The following ZNF41 variants were observed in gnomAD, a reference collection of about 807,000 sequenced individuals.
ZNF41 encodes zinc finger protein 41.
A neutral mutation model predicts 9.3 loss-of-function variants in ZNF41; 6 were observed. The observed-to-expected ratio is 0.65, with a 90% confidence interval of 0.35 to 1.28. ZNF41 has a LOEUF of 1.28. Among genes scored for constraint, ZNF41 ranks in the 50% most tolerant of loss-of-function variants. The probability of loss-of-function intolerance (pLI) is 0.03; values close to 1 mark genes in which losing one functional copy is unlikely to be tolerated. For missense variants in ZNF41, 523 were observed against 585.8 expected, an observed-to-expected ratio of 0.89 and a Z score of 1.11; for synonymous variants, 192 against 207.1, an observed-to-expected ratio of 0.93 and a Z score of 0.63.
chrX:47,458,710 G>A (rs1011181295), intron 2 of ZNF41, among the ~76,000 whole-genome samples: 5 of 109,871 alleles, frequency 4.6e-5, no homozygotes, highest in Non-Finnish European at 7.6e-5. Context: ...GTGCAGTGGC[G>A]CAACCACAGC....
intron 1 of ZNF41, among the ~76,000 whole-genome samples, chrX:47,481,436 T>C (rs1317234776): frequency 1.8e-5 from 2 of 110,919 alleles, no homozygotes; most frequent in African/African-American, 6.6e-5. Flanking sequence ...GATTCTTGTA[T>C]CTTTAAAACA....
At chrX:47,449,511 G>A in intron 4 of ZNF41, 37 bp from the exon 5 acceptor site, 1 of 1,183,681 alleles carries the variant, frequency 8.4e-7, no homozygotes, top group East Asian at 3.1e-5. Flanking sequence ...ACGACACAAA[G>A]AACAATCAGC....
At chrX:47,455,091 C>T (rs1024328670) in intron 4 of ZNF41, among the ~76,000 whole-genome samples, 17 of 108,386 alleles carry the variant, frequency 1.6e-4, no homozygotes, top group Non-Finnish European at 3.3e-4. Flanking sequence ...ACTAAAAATA[C>T]AAAATTAGCT....
At chrX:47,451,829 T>C (rs2056381273) in intron 4 of ZNF41, among the ~76,000 whole-genome samples, 1 of 111,949 alleles carries the variant, frequency 8.9e-6, no homozygotes, top group South Asian at 3.7e-4. Flanking sequence ...TGAGCCAAGA[T>C]TGCACCACTG....
chrX:47,482,966 G>GC (rs1204583551), intron 1 of ZNF41, 129 bp downstream of exon 1: 45 of 112,339 alleles, frequency 4.0e-4, no homozygotes, highest in African/African-American at 1.2e-3. Flanking sequence ...ATATCGCCCA[G>GC]CCCCCACCCC....
At chrX:47,475,235 T>C (rs1180273727) in intron 1 of ZNF41, among the ~76,000 whole-genome samples, 1 of 109,590 alleles carries the variant, frequency 9.1e-6, no homozygotes, top group African/African-American at 3.3e-5. Context: ...AAGAAGCTAT[T>C]GCCACAGGTA....
At chrX:47,482,165 A>C (rs1437793287) in intron 1 of ZNF41, among the ~76,000 whole-genome samples, 2 of 108,458 alleles carry the variant, frequency 1.8e-5, no homozygotes, top group Admixed American at 9.9e-5. Context: ...ACCCTGTATC[A>C]CTCACCCCAC....
rs761148749 is a variant in ZNF41 at position 47,448,856 on chromosome X, T to C, written c.914A>G (p.Asn305Ser). ...GEKSRECDKS[N>S]KVFPQKPQVD... ...CTGGGGTTTCTGGGGGAAGACTTTG[T>C]TGCTTTTGTCACATTCACGGGACTT... Residue 305 changes from asparagine to serine, a missense_variant, in exon 5 of 5, where the codon AAC (asparagine) becomes AGC (serine). Physicochemically the swap from Asn to Ser is conservative, Grantham distance 46. Coordinates refer to ENST00000684689, the MANE Select transcript of ZNF41 (RefSeq NM_001324144.2). 9 of 1,209,695 alleles carry C rather than the reference T, an allele frequency of 7.4e-6. No homozygotes were observed. The Admixed American group carries it at 2.0e-4, about 27-fold the overall frequency.
chrX:47,459,704 A>G (rs2056706083), intron 2 of ZNF41, among the ~76,000 whole-genome samples: 1 of 97,937 alleles, frequency 1.0e-5, no homozygotes, highest in Non-Finnish European at 2.0e-5. Context: ...TGACTGTGCC[A>G]CTGCACTCCA....
chrX:47,472,411 A>AG (rs900490824), intron 1 of ZNF41, among the ~76,000 whole-genome samples: 1 of 101,292 alleles, frequency 9.9e-6, no homozygotes, highest in African/African-American at 3.6e-5. Context: ...ATGCCATATG[A>AG]TTATGTTTAA....
At chrX:47,449,769 C>T (rs1294676009) in intron 4 of ZNF41, among the ~76,000 whole-genome samples, 1 of 111,788 alleles carries the variant, frequency 8.9e-6, no homozygotes, top group East Asian at 2.8e-4. Context: ...ATTTGTTTTA[C>T]AATTTAGAAA....
chrX:47,449,336 T>C lies in ZNF41; in HGVS notation c.434A>G (p.Glu145Gly), dbSNP rs963158974. The C allele has an allele frequency of 8.3e-7, 1 of 1,209,791 alleles. No individual in the cohort carries two copies. The highest frequency in any genetic ancestry group is 1.7e-5 in the African/African-American group (1 of 57,148). The change falls in exon 5 of 5, where the codon GAG becomes GGG. Residue 145 changes from glutamate (E) to glycine (G), a missense_variant. By Grantham distance (98) the Glu-to-Gly change is moderately conservative. Transcript: ENST00000684689. ...EELWQDNDQLEQRQENQNNLL... is the reference protein window; with the variant it reads ...EELWQDNDQLGQRQENQNNLL... Reference sequence around the variant, plus strand: ...GTTATTCTGGTTTTCCTGACGTTGCTCTAGCTGGTCATTATCTTGCCACAG... The same window carrying C: ...GTTATTCTGGTTTTCCTGACGTTGCCCTAGCTGGTCATTATCTTGCCACAG...
At chrX:47,457,793 C>T (rs1243161498) in intron 2 of ZNF41, among the ~76,000 whole-genome samples, 1 of 112,136 alleles carries the variant, frequency 8.9e-6, no homozygotes, top group South Asian at 3.7e-4. Flanking sequence ...GCTGAGATCA[C>T]GCCACTGCAC....
Position 47,449,359 on chromosome X carries a change from C to CAGTT in ZNF41, c.407_410dup (p.Trp138ThrfsTer5). On this transcript the variant is annotated frameshift_variant, in exon 5 of 5. Coordinates refer to ENST00000684689, the MANE Select transcript of ZNF41 (RefSeq NM_001324144.2). LOFTEE classifies it low-confidence loss of function (END_TRUNC). ...GCTCTAGCTGGTCATTATCTTGCCACAGTTCTTCTAAAATAGAACATAATG... is the reference window on the plus strand; with the variant it reads ...GCTCTAGCTGGTCATTATCTTGCCACAGTTAGTTCTTCTAAAATAGAACATAATG... 8.3e-7 allele frequency: 1 copy of CAGTT among 1,211,778 alleles called. No homozygotes were observed. The highest frequency in any genetic ancestry group is 1.1e-6 in the Non-Finnish European group (1 of 895,528).
chrX:47,451,244 G>GA (rs1269688815), intron 4 of ZNF41, among the ~76,000 whole-genome samples: 1 of 111,838 alleles, frequency 8.9e-6, no homozygotes, highest in Admixed American at 9.5e-5. Context: ...TCTGAAAGAG[G>GA]AAAAATCTCC....
intron 4 of ZNF41, among the ~76,000 whole-genome samples, chrX:47,454,141 G>A (rs1318999895): frequency 7.2e-5 from 8 of 110,782 alleles, no homozygotes; most frequent in Admixed American, 4.9e-4. Flanking sequence ...TGCTTATGGG[G>A]AAAATGAGGA....
At position 47,479,802 on chromosome X, in the gene ZNF41, C is replaced by T. The variant is rs185459407; in HGVS notation, c.-280+3293G>A. 1.6e-4 allele frequency among the ~76,000 whole-genome samples: 18 copies of T among 110,908 alleles called. No individual in the cohort carries two copies. The East Asian group carries it at 2.3e-3, about 14-fold the overall frequency. Reference sequence around the variant, plus strand: ...CTAGATAAAATAGTTTTAACATTTACATGGAAGAATAAGGCTGGGTGCGGT... The same window carrying T: ...CTAGATAAAATAGTTTTAACATTTATATGGAAGAATAAGGCTGGGTGCGGT... On this transcript the variant is annotated intron_variant, in intron 1 of 4. Transcript: ENST00000684689.
chrX:47,478,937 T>C (rs1156761838), intron 1 of ZNF41, among the ~76,000 whole-genome samples: 2 of 110,837 alleles, frequency 1.8e-5, no homozygotes, highest in Non-Finnish European at 3.8e-5. Context: ...CTGTCTAAAA[T>C]AAATAAATAA....
At chrX:47,482,029 G>A (rs2057486646) in intron 1 of ZNF41, among the ~76,000 whole-genome samples, 1 of 109,122 alleles carries the variant, frequency 9.2e-6, no homozygotes, top group East Asian at 2.9e-4. Context: ...AGGAACCTTG[G>A]TCAATCACCC....
Sources: gnomAD v4.1 joint callset for allele counts (sites outside exome capture counted in the v4.1 genomes callset) on GRCh38, gnomAD v4.1.1 for gene constraint, MANE v1.5 for transcripts, NCBI Gene and HGNC (gene_info 2026-07-23, HGNC 2026-07-21) for gene names.